Variants in DCP2 observed in about 807,000 individuals in gnomAD.
The protein encoded by DCP2 is m7GpppN-mRNA hydrolase.
DCP2 carries 30 observed loss-of-function variants against 56.1 expected under a neutral mutation model. The ratio of observed to expected loss-of-function variants is 0.53; its 90% CI spans 0.40 to 0.73. The LOEUF (loss-of-function observed/expected upper bound fraction) is 0.73. Ranked by LOEUF, DCP2 falls within the 30% of genes least tolerant of loss-of-function variation. The probability of loss-of-function intolerance (pLI) is 0.00; values close to 1 mark genes in which losing one functional copy is unlikely to be tolerated. For synonymous variants in DCP2, 197 were observed against 163.3 expected (o/e 1.21, Z -1.57); for missense variants, 533 against 502.7 (o/e 1.06, Z -0.58).
At chr5:113,006,799 A>G (rs1749457819) in intron 8 of DCP2, among the ~76,000 whole-genome samples, 1 of 152,196 alleles carries the variant, frequency 6.6e-6, no homozygotes, top group Non-Finnish European at 1.5e-5. Flanking sequence ...GATTCAAACT[A>G]TTGCATGTCT....
At chr5:112,978,993 T>G (rs755565917) in intron 1 of DCP2, among the ~76,000 whole-genome samples, 1 of 152,232 alleles carries the variant, frequency 6.6e-6, no homozygotes, top group Non-Finnish European at 1.5e-5. Context: ...TAGGATTACA[T>G]CATTTAAATA....
intron 1 of DCP2, among the ~76,000 whole-genome samples, chr5:112,982,405 C>T (rs150060584): frequency 5.3e-5 from 8 of 152,310 alleles, no homozygotes; most frequent in African/African-American, 1.7e-4. Context: ...ATGGTACTTA[C>T]TCTTTCTTGA....
intron 9 of DCP2, among the ~76,000 whole-genome samples, chr5:113,009,477 A>T (rs1749584899): frequency 1.3e-5 from 2 of 152,204 alleles, no homozygotes; most frequent in African/African-American, 4.8e-5. Flanking sequence ...AAAAGAAGTA[A>T]CCCAGTTGTG....
intron 4 of DCP2, among the ~76,000 whole-genome samples, chr5:113,000,417 CA>C (rs202149571): frequency 0.037 from 4,222 of 115,094 alleles, 166 homozygotes; most frequent in Middle Eastern, 0.081. Flanking sequence ...CACACACACA[CA>C]CACACACCCA....
rs753366850 is a variant in DCP2 at position 112,985,910 on chromosome 5, T to C, written c.129T>C (p.His43=). Residue 43 remains histidine (H), a synonymous_variant, in exon 2 of 11, where the codon CAT becomes CAC. Transcript: ENST00000389063. The part of the protein sequence containing the change: ...IRVCFQIELA[H]WFYLDFYMQN... ...TGTGTTTTCAGATTGAACTTGCCCA[T>C]TGGTTTTACTTGGATTTCTACATGC... The C allele has an allele frequency of 2.5e-6, 4 of 1,610,302 alleles. No homozygotes were observed. In the East Asian group the frequency reaches 6.7e-5, roughly 27 times the overall value.
chr5:112,979,683 T>TGTAACCTTTAGACTGCTC (rs1207503290), intron 1 of DCP2, among the ~76,000 whole-genome samples: 2 of 152,220 alleles, frequency 1.3e-5, no homozygotes, highest in African/African-American at 4.8e-5. Context: ...AATGTGACTT[T>TGTAACCTTTAGACTGCTC]GTAACCTTTA....
intron 1 of DCP2, among the ~76,000 whole-genome samples, chr5:112,979,321 T>G (rs1226278431): frequency 6.6e-6 from 1 of 152,214 alleles, no homozygotes; most frequent in East Asian, 1.9e-4. Context: ...CATTTTCAAG[T>G]TAATATTTAT....
Position 113,019,375 on chromosome 5 carries a change from G to A in DCP2, c.*5891G>A, listed in dbSNP as rs568069249. On this transcript the variant is annotated 3_prime_UTR_variant, in exon 11 of 11. Coordinates refer to ENST00000389063, the MANE Select transcript of DCP2 (RefSeq NM_152624.6). Reference sequence around the variant, plus strand: ...TCTTTATGCACTATACATATGATACGCACTGACAGAAAAGCACAGAAGACA... The same window carrying A: ...TCTTTATGCACTATACATATGATACACACTGACAGAAAAGCACAGAAGACA... The A allele has an allele frequency of 1.7e-4, 26 of 152,248 alleles. No individual in the cohort carries two copies. The highest frequency in any genetic ancestry group is 6.2e-4 in the South Asian group (3 of 4,822). The allele number at this position is 152,248 out of a possible 1,614,324, so 9.4% of individuals were successfully genotyped here.
At chr5:112,994,163 CTTTTTTTTTT>C (rs771514208) in intron 4 of DCP2, among the ~76,000 whole-genome samples, 69 of 75,180 alleles carry the variant, frequency 9.2e-4, no homozygotes, top group Non-Finnish European at 4.4e-4. Flanking sequence ...TTTTTTCTTT[CTTTTTTTTTT>C]TTTTTTTTTT....
chr5:112,977,018 G>C lies in DCP2; in HGVS notation c.53+32G>C, dbSNP rs200595884. ...CGCTACCCGACCCCCTTTCGCCCCC[G>C]TCGGGTTTTCTCAGTTTCGCGGACC... On this transcript the variant is annotated intron_variant, in intron 1 of 10. Coordinates refer to ENST00000389063, the MANE Select transcript of DCP2 (RefSeq NM_152624.6). 5 of 1,471,238 alleles carry C rather than the reference G, an allele frequency of 3.4e-6. No homozygotes were observed. In the East Asian group the frequency reaches 1.3e-4, roughly 38 times the overall value. 91.1% of individuals were successfully genotyped at this position (1,471,238 alleles called of 1,614,324 possible).
intron 9 of DCP2, among the ~76,000 whole-genome samples, chr5:113,010,081 G>A (rs1002614263): frequency 6.8e-6 from 1 of 147,786 alleles, no homozygotes; most frequent in African/African-American, 2.5e-5. Context: ...CACCCAGGCT[G>A]AAATGTGGTG....
chr5:112,986,523 A>T (rs898486400), intron 2 of DCP2, among the ~76,000 whole-genome samples: 4 of 151,916 alleles, frequency 2.6e-5, no homozygotes, highest in Admixed American at 2.6e-4. Flanking sequence ...GTTTTCTAAA[A>T]ATGGGGGTCT....
At chr5:112,988,957 C>T (rs1431710466) in intron 2 of DCP2, among the ~76,000 whole-genome samples, 1 of 152,090 alleles carries the variant, frequency 6.6e-6, no homozygotes, top group Non-Finnish European at 1.5e-5. Context: ...CACCAACAAC[C>T]TTTGTTTTAG....
rs1224083838 is a variant in DCP2, at chr5:113,016,021, C to G, written c.*2537C>G. 2.0e-5 allele frequency: 3 copies of G among 152,628 alleles called. No homozygotes were observed. Among genetic ancestry groups the G allele is most frequent in the African/African-American group, 7.2e-5 (3 of 41,450 alleles). 9.5% of individuals were successfully genotyped at this position (152,628 alleles called of 1,614,324 possible). ...TGAGAGAGATACAGGTCTTGGAATT[C>G]ACTTTTTAAATGTTACGTTCCAACC... On this transcript the variant is annotated 3_prime_UTR_variant, in exon 11 of 11. Transcript: ENST00000389063.
intron 4 of DCP2, among the ~76,000 whole-genome samples, chr5:112,998,135 C>G (rs1748951267): frequency 6.6e-6 from 1 of 152,082 alleles, no homozygotes; most frequent in South Asian, 2.1e-4. Context: ...GAATACTTGC[C>G]TAATTTTACA....
chr5:112,999,949 T>G (rs1156825432), intron 4 of DCP2, among the ~76,000 whole-genome samples: 4 of 150,420 alleles, frequency 2.7e-5, no homozygotes, highest in Admixed American at 6.7e-5. Flanking sequence ...TAATCCCAGC[T>G]GCTCAGGAGG....
intron 4 of DCP2, among the ~76,000 whole-genome samples, chr5:112,993,938 A>G (rs945329546): frequency 6.6e-5 from 10 of 151,778 alleles, no homozygotes; most frequent in African/African-American, 2.4e-4. Context: ...TCCAGTGGCA[A>G]CATCATAGTT....
intron 1 of DCP2, among the ~76,000 whole-genome samples, chr5:112,980,915 G>T (rs979307316): frequency 4.2e-4 from 64 of 151,620 alleles, no homozygotes; most frequent in African/African-American, 1.5e-3. Context: ...GTTCAATTTC[G>T]TAGATACTAG....
chr5:112,998,582 G>A (rs1329884988), intron 4 of DCP2, among the ~76,000 whole-genome samples: 2 of 152,182 alleles, frequency 1.3e-5, no homozygotes, highest in African/African-American at 4.8e-5. Context: ...TAAGCACAAA[G>A]TACATAGTTG....
Sources: allele counts gnomAD v4.1 joint callset (sites outside exome capture counted in the v4.1 genomes callset), GRCh38; gene constraint gnomAD v4.1.1; transcripts MANE v1.5; gene names NCBI Gene and HGNC (gene_info 2026-07-23, HGNC 2026-07-21).